Variants in MYT1L observed in about 807,000 individuals in gnomAD.
MYT1L encodes the protein myelin transcription factor 1-like protein.
In MYT1L, 12 loss-of-function variants were observed where a neutral mutation model predicts 126.7. The ratio of observed to expected loss-of-function variants is 0.09; its 90% CI spans 0.06 to 0.15. MYT1L has a LOEUF of 0.15. Among genes scored for constraint, MYT1L ranks in the 10% least tolerant of loss-of-function variants. The pLI, the probability that MYT1L is intolerant of heterozygous loss-of-function variation, is 1.00. For synonymous variants in MYT1L, 541 were observed against 604.2 expected (o/e 0.90, Z 1.53); for missense variants, 979 against 1,585.2 (o/e 0.62, Z 6.49).
At chr2:2,189,467 A>G (rs537472087) in intron 2 of MYT1L, among the ~76,000 whole-genome samples, 180 of 152,372 alleles carry the variant, frequency 1.2e-3, no homozygotes, top group African/African-American at 4.1e-3. Context: ...GACACGCATG[A>G]AAGACATTTG....
At chr2:1,896,300 A>G (rs534404187) in intron 14 of MYT1L, among the ~76,000 whole-genome samples, 4 of 152,364 alleles carry the variant, frequency 2.6e-5, no homozygotes, top group Admixed American at 2.6e-4. Flanking sequence ...CACTTAAAAC[A>G]GAGCTACCAT....
chr2:1,876,453 C>T (rs2046922249), intron 18 of MYT1L, among the ~76,000 whole-genome samples: 1 of 152,098 alleles, frequency 6.6e-6, no homozygotes, highest in South Asian at 2.1e-4. Flanking sequence ...CCCTCTCCTC[C>T]ACTCTCCACA....
At chr2:2,069,071 ATT>A (rs200799957) in intron 3 of MYT1L, among the ~76,000 whole-genome samples, 1 of 149,844 alleles carries the variant, frequency 6.7e-6, no homozygotes. Flanking sequence ...TTTGGGCAAC[ATT>A]TTTTTTTCTT....
At chr2:2,250,287 A>C (rs1469440065) in intron 2 of MYT1L, among the ~76,000 whole-genome samples, 1 of 152,178 alleles carries the variant, frequency 6.6e-6, no homozygotes, top group Non-Finnish European at 1.5e-5. Flanking sequence ...CAACAGATGA[A>C]TGGATAAAAA....
At chr2:2,138,595 CA>C (rs1456207200) in intron 3 of MYT1L, among the ~76,000 whole-genome samples, 1 of 137,956 alleles carries the variant, frequency 7.2e-6, no homozygotes, top group Non-Finnish European at 1.6e-5. Context: ...ATCGCAAGAA[CA>C]AAAAACCAAA....
At chr2:2,119,621 T>G (rs184654400) in intron 3 of MYT1L, among the ~76,000 whole-genome samples, 1 of 152,372 alleles carries the variant, frequency 6.6e-6, no homozygotes, top group Admixed American at 6.5e-5. Flanking sequence ...GGTACATCCC[T>G]GAGTGCAGCT....
chr2:2,057,327 T>C (rs748820990), intron 3 of MYT1L, among the ~76,000 whole-genome samples: 2 of 151,918 alleles, frequency 1.3e-5, no homozygotes, highest in South Asian at 2.1e-4. Context: ...GCCCACTCCC[T>C]GCCCTTTCAC....
intron 4 of MYT1L, among the ~76,000 whole-genome samples, chr2:2,006,455 G>C (rs1198380874): frequency 6.6e-6 from 1 of 152,148 alleles, no homozygotes; most frequent in Non-Finnish European, 1.5e-5. Context: ...TTGGGCATTA[G>C]ATCTCTAGAC....
intron 2 of MYT1L, among the ~76,000 whole-genome samples, chr2:2,181,654 G>A (rs2091546648): frequency 6.6e-6 from 1 of 152,170 alleles, no homozygotes; most frequent in African/African-American, 2.4e-5. Context: ...GAAGCGCTTT[G>A]TCTTCCCGGA....
chr2:2,151,871 A>G (rs1302269649), intron 3 of MYT1L, among the ~76,000 whole-genome samples: 2 of 152,210 alleles, frequency 1.3e-5, no homozygotes, highest in African/African-American at 2.4e-5. Context: ...CCTGGCCAAC[A>G]TAATGAAACC....
At chr2:1,901,838 TTAGTAGAAACA>T (rs57021279) in intron 14 of MYT1L, among the ~76,000 whole-genome samples, 6,666 of 152,284 alleles carry the variant, frequency 0.044, 253 homozygotes, top group East Asian at 0.21. Context: ...TTTTGTATTT[TTAGTAGAAACA>T]GGGTTTTGCC....
intron 2 of MYT1L, among the ~76,000 whole-genome samples, chr2:2,189,850 CA>C (rs199786052): frequency 0.038 from 5,584 of 148,720 alleles, 407 homozygotes; most frequent in African/African-American, 0.13. Context: ...CGGGGAGAAG[CA>C]GCGTTCTCAG....
At position 1,956,619 on chromosome 2, in the gene MYT1L, T is replaced by TCTATCTACCTAC. The variant is rs1240851045; in HGVS notation, c.153-13286_153-13285insGTAGGTAGATAG. On this transcript the variant is annotated intron_variant, in intron 8 of 24. Coordinates refer to ENST00000647738, the MANE Select transcript of MYT1L (RefSeq NM_001303052.2). Reference sequence around the variant, plus strand: ...ATCTATCTATCTATCTATCTATCTATCTACCTACCTACCTATCTAGCTATC... The same window carrying TCTATCTACCTAC: ...ATCTATCTATCTATCTATCTATCTATCTATCTACCTACCTACCTACCTACCTATCTAGCTATC... 5.7e-3 allele frequency among the ~76,000 whole-genome samples: 767 copies of TCTATCTACCTAC among 134,356 alleles called. 8 individuals carry two copies. Among genetic ancestry groups the TCTATCTACCTAC allele is most frequent in the Non-Finnish European group, 8.4e-3 (520 of 61,586 alleles). The allele number at this position is 134,356 out of a possible 152,430, so 88.1% of individuals were successfully genotyped here. A position where few individuals can be genotyped will look rare whatever the true frequency, so the allele number is the denominator to read the frequency against.
At position 1,925,172 on chromosome 2, in the gene MYT1L, G is replaced by A. The variant is rs538389594; in HGVS notation, c.506-1909C>T. ...AAGTTGAGTCAAAGAAGAAACCACA[G>A]TCAAGCAACACTATTTTCATGATGT... On this transcript the variant is annotated intron_variant, in intron 9 of 24. Transcript: ENST00000647738. 2.0e-5 allele frequency among the ~76,000 whole-genome samples: 3 copies of A among 152,304 alleles called. No individual in the cohort carries two copies. In the East Asian group the frequency reaches 5.8e-4, roughly 29 times the overall value.
intron 18 of MYT1L, among the ~76,000 whole-genome samples, chr2:1,870,149 T>C (rs2046098000): frequency 6.6e-6 from 1 of 152,198 alleles, no homozygotes; most frequent in Non-Finnish European, 1.5e-5. Flanking sequence ...AATTTCTGCA[T>C]TGAAACTATT....
At chr2:1,974,577 G>C (rs907092146) in intron 8 of MYT1L, 5 of 152,266 alleles carry the variant, frequency 3.3e-5, no homozygotes, top group African/African-American at 1.2e-4. Flanking sequence ...AGGAGGTCTG[G>C]CCTGATGACC....
rs562553981 is a variant in MYT1L at position 2,186,301 on chromosome 2, C to T, written c.-420-13313G>A. On this transcript the variant is annotated intron_variant, in intron 2 of 24. Coordinates refer to ENST00000647738, the MANE Select transcript of MYT1L (RefSeq NM_001303052.2). ...GTTCCTTTCGTGAGGGGGACGTAGC[C>T]GGGCCTCCCCGAGTTCCGCGGTCAT... Among the ~76,000 whole-genome samples the T allele has an allele frequency of 1.6e-4, 25 of 151,962 alleles. No homozygotes were observed. The South Asian group carries it at 5.0e-3, about 30-fold the overall frequency.
chr2:2,021,239 T>A (rs2065003909), intron 4 of MYT1L, among the ~76,000 whole-genome samples: 1 of 151,964 alleles, frequency 6.6e-6, no homozygotes, highest in South Asian at 2.1e-4. Context: ...GAGAAAGGGA[T>A]TCAGATTCAA....
At chr2:2,150,580 C>T (rs916376257) in intron 3 of MYT1L, among the ~76,000 whole-genome samples, 2 of 152,142 alleles carry the variant, frequency 1.3e-5, no homozygotes, top group African/African-American at 4.8e-5. Context: ...GACTAAATTA[C>T]AATTTTTTTT....
Sources: allele counts gnomAD v4.1 joint callset (sites outside exome capture counted in the v4.1 genomes callset), GRCh38; gene constraint gnomAD v4.1.1; transcripts MANE v1.5; gene names NCBI Gene and HGNC (gene_info 2026-07-23, HGNC 2026-07-21).